ASIC2: variants seen among roughly 807,000 people sequenced by gnomAD.
The protein encoded by ASIC2 is acid-sensing ion channel 2.
Under a neutral mutation model 57.3 loss-of-function variants are expected in ASIC2, and 25 were observed. That is an observed-to-expected ratio of 0.44 (90% CI 0.32 to 0.61). The LOEUF is 0.61. ASIC2 is among the 20% of genes least tolerant of loss of function. ASIC2 has a pLI of 0.06. For synonymous variants in ASIC2, 319 were observed against 307.5 expected, an observed-to-expected ratio of 1.04 and a Z score of -0.39; for missense variants, 641 against 738.1, an observed-to-expected ratio of 0.87 and a Z score of 1.52.
At chr17:34,059,718 G>A (rs142516164) in intron 1 of ASIC2, among the ~76,000 whole-genome samples, 192 of 152,130 alleles carry the variant, frequency 1.3e-3, no homozygotes, top group Non-Finnish European at 2.0e-3. Context: ...TGTGACTGCC[G>A]GCTTTCCCCT....
intron 1 of ASIC2, among the ~76,000 whole-genome samples, chr17:34,100,227 A>G (rs76895791): frequency 6.8e-6 from 1 of 146,440 alleles, no homozygotes; most frequent in African/African-American, 2.5e-5. Flanking sequence ...CATAGGCACT[A>G]TATTTCCCCC....
At chr17:33,241,704 T>C (rs941721853) in intron 1 of ASIC2, among the ~76,000 whole-genome samples, 1 of 152,224 alleles carries the variant, frequency 6.6e-6, no homozygotes, top group Non-Finnish European at 1.5e-5. Context: ...CACTGGATTC[T>C]ACCCAGGACA....
rs192245105 is a variant in ASIC2 at position 33,769,770 on chromosome 17, C to T, written c.555+386208G>A. 2.6e-5 allele frequency among the ~76,000 whole-genome samples: 4 copies of T among 152,314 alleles called. No homozygotes were observed. The East Asian group carries it at 7.7e-4, about 29-fold the overall frequency. On this transcript the variant is annotated intron_variant, in intron 1 of 9. Coordinates refer to the ASIC2 transcript ENST00000359872. ...CCCACAGTTCTGGTGGATGGGAAGT[C>T]CAAGGTCAATGTGCTGGCAGGCCTC...
intron 3 of ASIC2, among the ~76,000 whole-genome samples, chr17:33,059,947 A>C (rs942275404): frequency 3.3e-4 from 51 of 152,304 alleles, no homozygotes; most frequent in African/African-American, 1.1e-3. Context: ...TGTTGGCAGC[A>C]TCAATGTCTT....
chr17:33,611,641 G>A (rs1348396081), intron 1 of ASIC2, among the ~76,000 whole-genome samples: 1 of 152,226 alleles, frequency 6.6e-6, no homozygotes, highest in Non-Finnish European at 1.5e-5. Context: ...GACTAAAGGG[G>A]CAGTGGCCAT....
chr17:34,143,082 G>C (rs1445702241), intron 1 of ASIC2: 1 of 152,166 alleles, frequency 6.6e-6, no homozygotes, highest in Non-Finnish European at 1.5e-5. Context: ...TGGAAGGTTA[G>C]GAGTATCGTA....
chr17:33,722,379 T>C (rs1909414686), intron 1 of ASIC2, among the ~76,000 whole-genome samples: 1 of 152,206 alleles, frequency 6.6e-6, no homozygotes, highest in Non-Finnish European at 1.5e-5. Context: ...ATGTCCTTAT[T>C]AGCAGCGTGA....
At position 33,111,929 on chromosome 17, in the gene ASIC2, A is replaced by G. The variant is rs200088098; in HGVS notation, c.847T>C (p.Trp283Arg). 4.3e-6 allele frequency: 7 copies of G among 1,612,454 alleles called. No homozygotes were observed. Among genetic ancestry groups the G allele is most frequent in the Non-Finnish European group, 5.1e-6 (6 of 1,179,290 alleles). ...GTGCCCAGCTCACCTGTCTCTCCCC[A>G]GATGGGCAGGTACTCATCCTGCTGA... is the stretch of plus-strand genomic sequence containing the variant. ...DIQQDEYLPIWGETEETTFEA... is the reference protein window; with the variant it reads ...DIQQDEYLPIRGETEETTFEA... Residue 283 changes from tryptophan to arginine, a missense_variant, in exon 2 of 10, where the codon TGG becomes CGG. Physicochemically the swap from Trp to Arg is moderately radical, Grantham distance 101 (BLOSUM62 -3). Transcript: ENST00000225823.
chr17:33,621,638 C>G (rs1905803516), intron 1 of ASIC2, among the ~76,000 whole-genome samples: 1 of 152,212 alleles, frequency 6.6e-6, no homozygotes. Flanking sequence ...CCTGGCCAGG[C>G]TGTGCCTTGG....
intron 1 of ASIC2, among the ~76,000 whole-genome samples, chr17:33,271,345 T>C (rs7220735): frequency 0.053 from 8,113 of 152,266 alleles, 228 homozygotes; most frequent in Non-Finnish European, 0.065. Context: ...TATTCCACCA[T>C]GACTTCCAAA....
intron 1 of ASIC2, among the ~76,000 whole-genome samples, chr17:33,399,470 G>C (rs1173801127): frequency 6.6e-6 from 1 of 152,050 alleles, no homozygotes; most frequent in Non-Finnish European, 1.5e-5. Context: ...ACTCTCTCCT[G>C]ACCCAGACCA....
intron 2 of ASIC2, among the ~76,000 whole-genome samples, chr17:33,107,318 A>G (rs1190670250): frequency 1.3e-5 from 2 of 152,242 alleles, no homozygotes; most frequent in East Asian, 1.9e-4. Context: ...TGGGAAATAA[A>G]TGCTGCCTTG....
In ASIC2 at chr17:33,348,165, C is replaced by A. The variant is rs564079389; in HGVS notation, c.556-236098G>T. ...AGGTCAACAAACTGAGAGGCCAAAGCATGGATGGACCTTCTACGTGGATTT... is the reference window on the plus strand; with the variant it reads ...AGGTCAACAAACTGAGAGGCCAAAGAATGGATGGACCTTCTACGTGGATTT... On this transcript the variant is annotated intron_variant, in intron 1 of 9. Transcript: ENST00000359872. Among the ~76,000 whole-genome samples the A allele has an allele frequency of 7.9e-5, 12 of 152,216 alleles. No homozygotes were observed. In the East Asian group the frequency reaches 2.1e-3, roughly 27 times the overall value.
At chr17:33,187,905 GAA>G (rs60454518) in intron 1 of ASIC2, among the ~76,000 whole-genome samples, 18 of 90,738 alleles carry the variant, frequency 2.0e-4, no homozygotes, top group South Asian at 1.3e-3. Context: ...GGTCAGGGAT[GAA>G]AAAAAAAAAA....
chr17:33,167,592 C>G (rs931446557), intron 1 of ASIC2, among the ~76,000 whole-genome samples: 1 of 152,114 alleles, frequency 6.6e-6, no homozygotes, highest in African/African-American at 2.4e-5. Flanking sequence ...TCTGCTGCTA[C>G]CCCTCTATTT....
intron 1 of ASIC2, among the ~76,000 whole-genome samples, chr17:33,311,461 T>A (rs890665990): frequency 6.6e-6 from 1 of 150,752 alleles, no homozygotes; most frequent in Non-Finnish European, 1.5e-5. Context: ...TGTGTGTAGA[T>A]GTGTGTAGGT....
intron 1 of ASIC2, among the ~76,000 whole-genome samples, chr17:33,637,199 G>A (rs1222442215): frequency 2.0e-5 from 3 of 152,124 alleles, no homozygotes; most frequent in African/African-American, 7.2e-5. Context: ...GCCTGAGGTA[G>A]CAAGGAGCAG....
intron 1 of ASIC2, among the ~76,000 whole-genome samples, chr17:33,207,237 C>T (rs1041967463): frequency 3.3e-5 from 5 of 152,202 alleles, no homozygotes; most frequent in African/African-American, 7.2e-5. Flanking sequence ...TTTATCCTAG[C>T]GCTTTCTCAT....
intron 1 of ASIC2, among the ~76,000 whole-genome samples, chr17:33,356,616 C>T (rs1204370330): frequency 6.6e-6 from 1 of 152,158 alleles, no homozygotes; most frequent in Non-Finnish European, 1.5e-5. Context: ...ACAGACAGCA[C>T]TTTTAACACG....
Sources: allele counts gnomAD v4.1 joint callset (sites outside exome capture counted in the v4.1 genomes callset), GRCh38; gene constraint gnomAD v4.1.1; transcripts MANE v1.5; gene names NCBI Gene and HGNC (gene_info 2026-07-23, HGNC 2026-07-21).